Variants in FBXL17 observed in about 807,000 individuals in gnomAD.
FBXL17 encodes F-box and leucine rich repeat protein 17.
A neutral mutation model predicts 66.2 loss-of-function variants in FBXL17; 22 were observed. The ratio of observed to expected loss-of-function variants is 0.33; its 90% CI spans 0.24 to 0.47. The LOEUF (loss-of-function observed/expected upper bound fraction) is 0.47. FBXL17 is among the 20% of genes least tolerant of loss of function. The pLI, the probability that FBXL17 is intolerant of heterozygous loss-of-function variation, is 1.00. For missense variants in FBXL17, 878 were observed against 948.2 expected (o/e 0.93, Z 0.97); for synonymous variants, 474 against 400.5 (o/e 1.18, Z -2.19).
chr5:108,082,045 G>A (rs978121748), intron 6 of FBXL17, among the ~76,000 whole-genome samples: 3 of 152,104 alleles, frequency 2.0e-5, no homozygotes, highest in Non-Finnish European at 2.9e-5. Flanking sequence ...CCTAGTAGTT[G>A]AGAAAACATG....
chr5:108,298,673 T>A (rs530656746), intron 4 of FBXL17: 2 of 831,794 alleles, frequency 2.4e-6, no homozygotes, highest in Admixed American at 6.3e-5. Flanking sequence ...AGTAATATAC[T>A]ATCTTCCTCA....
At chr5:108,357,805 C>T (rs904728047) in intron 3 of FBXL17, among the ~76,000 whole-genome samples, 14 of 151,378 alleles carry the variant, frequency 9.2e-5, no homozygotes, top group Admixed American at 6.6e-5. Context: ...ATGAATGACA[C>T]GTTTCTTAAT....
chr5:107,924,878 T>C (rs1432628435), intron 7 of FBXL17, among the ~76,000 whole-genome samples: 1 of 152,204 alleles, frequency 6.6e-6, no homozygotes, highest in East Asian at 1.9e-4. Flanking sequence ...GAAGCTAATA[T>C]GTGAAATAGA....
intron 8 of FBXL17, among the ~76,000 whole-genome samples, chr5:107,863,949 T>G (rs1173842401): frequency 6.6e-6 from 1 of 152,198 alleles, no homozygotes; most frequent in African/African-American, 2.4e-5. Context: ...GTACTACAAT[T>G]ATCTGTCCAC....
chr5:108,118,253 T>C (rs777457199), intron 6 of FBXL17, among the ~76,000 whole-genome samples: 5 of 152,210 alleles, frequency 3.3e-5, no homozygotes, highest in Admixed American at 6.5e-5. Context: ...ATCTTCAGAT[T>C]CAAACCCAAC....
intron 1 of FBXL17, among the ~76,000 whole-genome samples, chr5:108,374,896 GAAGA>G (rs1290865724): frequency 6.6e-6 from 1 of 151,990 alleles, no homozygotes; most frequent in East Asian, 1.9e-4. Context: ...CATTTAAAAA[GAAGA>G]AAGATCTTGA....
rs187910825 is a variant in FBXL17 at position 108,343,509 on chromosome 5, A to G, written c.1506+4890T>C. 1.9e-3 allele frequency among the ~76,000 whole-genome samples: 288 copies of G among 152,318 alleles called. 1 individual carries two copies. The highest frequency in any genetic ancestry group is 6.7e-3 in the African/African-American group (280 of 41,572). The stretch of plus-strand genomic sequence containing the variant: ...AGGAGTATTTGAGAAATAAGACATC[A>G]AGATTATAGGAGGGGAACTAAGGGT... On this transcript the variant is annotated intron_variant, in intron 4 of 8. Coordinates refer to ENST00000542267, the MANE Select transcript of FBXL17 (RefSeq NM_001163315.3).
intron 6 of FBXL17, among the ~76,000 whole-genome samples, chr5:108,053,454 A>C (rs1036520190): frequency 1.3e-5 from 2 of 152,070 alleles, no homozygotes; most frequent in African/African-American, 2.4e-5. Context: ...AGCTCAATAG[A>C]TTGCGCCACT....
intron 7 of FBXL17, among the ~76,000 whole-genome samples, chr5:107,967,417 T>C (rs935663328): frequency 6.6e-6 from 1 of 151,078 alleles, no homozygotes; most frequent in Admixed American, 6.6e-5. Context: ...CTCCGAGAGC[T>C]GGCAGTCTAT....
intron 4 of FBXL17, among the ~76,000 whole-genome samples, chr5:108,243,200 G>A (rs1755939037): frequency 6.6e-6 from 1 of 152,170 alleles, no homozygotes. Flanking sequence ...TAATGACACA[G>A]AGATCTGTCC....
chr5:108,242,857 AT>A (rs1305222448), intron 4 of FBXL17, among the ~76,000 whole-genome samples: 1 of 152,228 alleles, frequency 6.6e-6, no homozygotes. Flanking sequence ...TGTGAAACTT[AT>A]GAAAAAGGAA....
intron 6 of FBXL17, among the ~76,000 whole-genome samples, chr5:108,162,224 T>C (rs1473672925): frequency 6.6e-6 from 1 of 152,112 alleles, no homozygotes; most frequent in African/African-American, 2.4e-5. Context: ...TGGGGCTGGG[T>C]GCAGTGGCTC....
chr5:108,234,017 GA>G (rs1341082911), intron 4 of FBXL17, among the ~76,000 whole-genome samples: 2 of 152,050 alleles, frequency 1.3e-5, no homozygotes, highest in Non-Finnish European at 2.9e-5. Context: ...AATAGGCTTA[GA>G]AAAATGCAGA....
At chr5:108,033,356 A>G (rs914027850) in intron 6 of FBXL17, among the ~76,000 whole-genome samples, 2 of 152,182 alleles carry the variant, frequency 1.3e-5, no homozygotes, top group Non-Finnish European at 2.9e-5. Flanking sequence ...TTTATTAAGT[A>G]AATTTTACTC....
chr5:108,107,365 C>A (rs183762794), intron 6 of FBXL17, among the ~76,000 whole-genome samples: 10 of 152,146 alleles, frequency 6.6e-5, no homozygotes, highest in African/African-American at 2.4e-4. Context: ...AATACAACTA[C>A]GAAAAGTATA....
At chr5:108,305,939 G>C (rs1342231446) in intron 4 of FBXL17, among the ~76,000 whole-genome samples, 1 of 151,968 alleles carries the variant, frequency 6.6e-6, no homozygotes, top group African/African-American at 2.4e-5. Context: ...AAAAATGCCA[G>C]TTTGGATCTC....
chr5:108,100,322 C>A (rs1749552176), intron 6 of FBXL17, among the ~76,000 whole-genome samples: 1 of 152,106 alleles, frequency 6.6e-6, no homozygotes, highest in African/African-American at 2.4e-5. Flanking sequence ...AAATTTCCAA[C>A]ATCTAAAAAG....
chr5:108,128,617 G>A (rs1750808470), intron 6 of FBXL17, among the ~76,000 whole-genome samples: 1 of 152,094 alleles, frequency 6.6e-6, no homozygotes. Context: ...CATTTCTGAT[G>A]ATTTGTCATG....
chr5:108,090,300 A>G (rs374727754), intron 6 of FBXL17, among the ~76,000 whole-genome samples: 6 of 152,294 alleles, frequency 3.9e-5, no homozygotes, highest in East Asian at 1.9e-4. Context: ...GGAGCCATTC[A>G]CCCTCAGTCT....
Sources: allele counts gnomAD v4.1 joint callset (sites outside exome capture counted in the v4.1 genomes callset), GRCh38; gene constraint gnomAD v4.1.1; transcripts MANE v1.5; gene names NCBI Gene and HGNC (gene_info 2026-07-23, HGNC 2026-07-21).